IGSF11: variants seen among roughly 807,000 people sequenced by gnomAD.
IGSF11 encodes CXADR like 1.
Under a neutral mutation model 41.0 loss-of-function variants are expected in IGSF11, and 22 were observed. The ratio of observed to expected loss-of-function variants is 0.54; its 90% CI spans 0.38 to 0.77. The LOEUF (loss-of-function observed/expected upper bound fraction) is 0.77. Among genes scored for constraint, IGSF11 ranks in the 30% least tolerant of loss-of-function variants. The pLI, the probability that IGSF11 is intolerant of heterozygous loss-of-function variation, is 0.00. For synonymous variants in IGSF11, 219 were observed against 201.3 expected (o/e 1.09, Z -0.74); for missense variants, 444 against 530.8 (o/e 0.84, Z 1.61).
chr3:118,906,680 G>C (rs74321569), intron 4 of IGSF11, among the ~76,000 whole-genome samples: 2 of 152,126 alleles, frequency 1.3e-5, no homozygotes, highest in East Asian at 3.8e-4. Context: ...TGCTTCAATA[G>C]TTCACATTTT....
intron 1 of IGSF11, among the ~76,000 whole-genome samples, chr3:119,129,147 C>G (rs1036936403): frequency 2.0e-5 from 3 of 151,954 alleles, no homozygotes; most frequent in Non-Finnish European, 2.9e-5. Flanking sequence ...ACAACAACAC[C>G]AGGGCCTGTT....
intron 1 of IGSF11, among the ~76,000 whole-genome samples, chr3:119,055,862 T>G (rs945065975): frequency 6.6e-6 from 1 of 152,200 alleles, no homozygotes; most frequent in Non-Finnish European, 1.5e-5. Flanking sequence ...AACCTGCTCC[T>G]GAATGACTAC....
At chr3:119,073,251 G>A (rs1272125788) in intron 1 of IGSF11, among the ~76,000 whole-genome samples, 3 of 152,076 alleles carry the variant, frequency 2.0e-5, no homozygotes, top group African/African-American at 7.2e-5. Context: ...TAGACACAGG[G>A]TGCTGATTGG....
At chr3:119,037,860 A>G (rs1940973907), upstream of IGSF11, among the ~76,000 whole-genome samples, 2 of 152,326 alleles carry the variant, frequency 1.3e-5, no homozygotes, top group South Asian at 4.1e-4. Flanking sequence ...TGAATTAGCT[A>G]TTTTAAGTTT....
At position 118,925,460 on chromosome 3, in the gene IGSF11, A is replaced by AT. The variant is rs1942205116; in HGVS notation, c.580+640dup. 3.3e-5 allele frequency among the ~76,000 whole-genome samples: 5 copies of AT among 152,190 alleles called. No individual in the cohort carries two copies. The South Asian group carries it at 1.0e-3, about 31-fold the overall frequency. On this transcript the variant is annotated intron_variant, in intron 4 of 6. Coordinates refer to ENST00000393775, the MANE Select transcript of IGSF11 (RefSeq NM_001015887.3). ...AAATTTCATTTTCTTGACCTAGAGT[A>AT]TTTTATAATAAAATTCTATATCTTC...
At chr3:119,102,032 C>T (rs72953058) in intron 1 of IGSF11, among the ~76,000 whole-genome samples, 2,425 of 152,014 alleles carry the variant, frequency 0.016, 59 homozygotes, top group African/African-American at 0.055. Flanking sequence ...TTTTTCTTCC[C>T]CTTCCATCTT....
At chr3:118,991,260 C>T (rs148503604) in intron 1 of IGSF11, among the ~76,000 whole-genome samples, 3 of 152,202 alleles carry the variant, frequency 2.0e-5, no homozygotes, top group Non-Finnish European at 2.9e-5. Context: ...AACCATAACA[C>T]ATACAGGGAA....
intron 1 of IGSF11, among the ~76,000 whole-genome samples, chr3:118,995,024 A>G (rs1001408027): frequency 1.3e-5 from 2 of 152,226 alleles, no homozygotes; most frequent in Non-Finnish European, 2.9e-5. Flanking sequence ...ATTAAGCGTC[A>G]TGCAAAAAAT....
intron 1 of IGSF11, among the ~76,000 whole-genome samples, chr3:118,936,882 C>CAAGAG (rs1471088215): frequency 6.6e-6 from 1 of 152,164 alleles, no homozygotes; most frequent in Non-Finnish European, 1.5e-5. Flanking sequence ...ACTACACAGC[C>CAAGAG]AAGAGAACAG....
intron 1 of IGSF11, among the ~76,000 whole-genome samples, chr3:118,975,346 T>C (rs1933959518): frequency 6.7e-6 from 1 of 148,968 alleles, no homozygotes; most frequent in African/African-American, 2.5e-5. Context: ...CAAATAAATT[T>C]GTAGCCCTGC....
At chr3:119,031,655 T>A (rs1351602136) in intron 1 of IGSF11, among the ~76,000 whole-genome samples, 1 of 152,238 alleles carries the variant, frequency 6.6e-6, no homozygotes, top group Non-Finnish European at 1.5e-5. Context: ...TTAAATTGCT[T>A]CCTGAATAGT....
chr3:119,026,291 TTTA>T (rs1939818354), intron 1 of IGSF11, among the ~76,000 whole-genome samples: 1 of 152,208 alleles, frequency 6.6e-6, no homozygotes, highest in Non-Finnish European at 1.5e-5. Flanking sequence ...ATAGCACAGA[TTTA>T]TTGTCTGGCT....
intron 1 of IGSF11, among the ~76,000 whole-genome samples, chr3:119,116,909 G>A (rs1425848608): frequency 6.6e-6 from 1 of 152,020 alleles, no homozygotes; most frequent in Non-Finnish European, 1.5e-5. Context: ...GCCTGCAGGA[G>A]GAAAGCTTTG....
intron 1 of IGSF11, among the ~76,000 whole-genome samples, chr3:119,133,000 G>T (rs1395167515): frequency 1.3e-5 from 2 of 152,228 alleles, no homozygotes; most frequent in East Asian, 3.9e-4. Context: ...CAGAAATAAA[G>T]ATGTTCTTTG....
chr3:118,975,671 G>A (rs1934012673), intron 1 of IGSF11, among the ~76,000 whole-genome samples: 3 of 152,182 alleles, frequency 2.0e-5, no homozygotes, highest in Admixed American at 1.3e-4. Flanking sequence ...CATACACCAT[G>A]GAATACTATG....
intron 1 of IGSF11, among the ~76,000 whole-genome samples, chr3:119,061,747 T>C (rs1213098137): frequency 6.6e-6 from 1 of 151,244 alleles, no homozygotes. Flanking sequence ...TATGTATCTA[T>C]ATACGTGGTT....
intron 1 of IGSF11, among the ~76,000 whole-genome samples, chr3:119,080,618 T>C (rs1292186390): frequency 6.6e-6 from 1 of 152,190 alleles, no homozygotes. Context: ...AGATGTGAAG[T>C]TGATAATTTA....
rs564181195 is a variant in IGSF11, at chr3:119,058,420, T to C, written c.49+46724A>G. Among the ~76,000 whole-genome samples the C allele has an allele frequency of 2.0e-4, 30 of 152,170 alleles. No homozygotes were observed. In the East Asian group the frequency reaches 5.8e-3, roughly 29 times the overall value. On this transcript the variant is annotated intron_variant, in intron 1 of 6. Coordinates refer to the IGSF11 transcript ENST00000354673. The stretch of plus-strand genomic sequence containing the variant: ...AGAGAAATGTAAATCAAAACCACAA[T>C]GAGATACCATCTCACACCAGTTAGA...
chr3:118,957,813 AGGAACGCCT>A (rs1317098326), intron 1 of IGSF11, among the ~76,000 whole-genome samples: 2 of 152,240 alleles, frequency 1.3e-5, no homozygotes, highest in Non-Finnish European at 2.9e-5. Context: ...GGCTAAACAA[AGGAACGCCT>A]GGTTTTGTTA....
Sources: allele counts gnomAD v4.1 joint callset (sites outside exome capture counted in the v4.1 genomes callset), GRCh38; gene constraint gnomAD v4.1.1; transcripts MANE v1.5; gene names NCBI Gene and HGNC (gene_info 2026-07-23, HGNC 2026-07-21).